CD300LD: variants seen among roughly 807,000 people sequenced by gnomAD.
The protein encoded by CD300LD is CD300 molecule like family member d.
Under a neutral mutation model 20.3 loss-of-function variants are expected in CD300LD, and 18 were observed. That is an observed-to-expected ratio of 0.89 (90% CI 0.61 to 1.32). The LOEUF (loss-of-function observed/expected upper bound fraction) is 1.32, where lower values mean the gene tolerates loss of function less well. CD300LD is among the 40% of genes most tolerant of loss of function. The probability of loss-of-function intolerance (pLI) is 0.00; values close to 1 mark genes in which losing one functional copy is unlikely to be tolerated. For missense variants in CD300LD, 195 were observed against 226.6 expected (o/e 0.86, Z 0.90); for synonymous variants, 104 against 90.1 (o/e 1.15, Z -0.87).
At chr17:74,585,322 T>C (rs990512753) in intron 2 of CD300LD, among the ~76,000 whole-genome samples, 15 of 152,262 alleles carry the variant, frequency 9.9e-5, no homozygotes, top group African/African-American at 3.4e-4. Flanking sequence ...GCCATTATCT[T>C]CTTCTTATTC....
At chr17:74,590,630 G>A (rs1005937828) in intron 1 of CD300LD, 3 of 152,076 alleles carry the variant, frequency 2.0e-5, no homozygotes, top group Admixed American at 6.5e-5. Flanking sequence ...GCTTTCTATG[G>A]CATCTGAAGG....
Position 74,588,804 on chromosome 17 carries a change from C to G in CD300LD, c.86G>C (p.Gly29Ala), listed in dbSNP as rs750286256. 6 of 1,613,828 alleles carry G rather than the reference C, an allele frequency of 3.7e-6. No homozygotes were observed. The East Asian group carries it at 1.1e-4, about 30-fold the overall frequency. Residue 29 changes from glycine to alanine, a missense_variant, in exon 2 of 4, where the codon GGC (glycine) becomes GCC (alanine). Physicochemically the swap from Gly to Ala is moderately conservative, Grantham distance 60. Transcript: ENST00000375352. Reference protein sequence around the residue: ...AKITGPTTVNGSEQGSLTVQC... With the variant: ...AKITGPTTVNASEQGSLTVQC... ...CACAGTCAATGAGCCCTGCTCCGAG[C>G]CATTCACTGTTGTTGGACCAGTGAT...
Position 74,587,642 on chromosome 17 carries a change from C to T in CD300LD, c.379+869G>A, listed in dbSNP as rs146831135. Reference sequence around the variant, plus strand: ...TGAGTTTACTTTGATCTTTTTTTTCCCTAGTATCTTGAGCTAAGGCCATTG... The same window carrying T: ...TGAGTTTACTTTGATCTTTTTTTTCTCTAGTATCTTGAGCTAAGGCCATTG... On this transcript the variant is annotated intron_variant, in intron 2 of 3. Transcript: ENST00000375352. 2.7e-3 allele frequency among the ~76,000 whole-genome samples: 407 copies of T among 151,324 alleles called. 3 individuals are homozygous for T. The highest frequency in any genetic ancestry group is 9.5e-3 in the African/African-American group (392 of 41,246).
chr17:74,587,480 G>A (rs1239307558), intron 2 of CD300LD, among the ~76,000 whole-genome samples: 1 of 152,104 alleles, frequency 6.6e-6, no homozygotes, highest in East Asian at 1.9e-4. Context: ...ATCAGTCTAG[G>A]TAGAGGTTTA....
chr17:74,585,836 C>T (rs2143284127), intron 2 of CD300LD, among the ~76,000 whole-genome samples: 1 of 152,284 alleles, frequency 6.6e-6, no homozygotes, highest in East Asian at 1.9e-4. Flanking sequence ...GCAGACCAGG[C>T]TAGACAGAAT....
In CD300LD at chr17:74,588,566, C is replaced by T. The variant is rs1187058893; in HGVS notation, c.324G>A (p.Gly108=). The T allele has an allele frequency of 6.8e-6, 11 of 1,613,948 alleles. No individual in the cohort carries two copies. The highest frequency in any genetic ancestry group is 2.7e-5 in the African/African-American group (2 of 74,918). Residue 108 remains glycine (G), a synonymous_variant, in exon 2 of 4, where the codon GGG becomes GGA. Coordinates refer to ENST00000375352, the MANE Select transcript of CD300LD (RefSeq NM_001115152.2). ...CAAGATCAATTCCAGGTCTCTCAGT[C>T]CCACACCAATAACTGTCAGCATCAT... ...KRDDADSYWC[G]TERPGIDLGV...
intron 2 of CD300LD, among the ~76,000 whole-genome samples, chr17:74,588,125 A>T (rs11868501): frequency 6.6e-6 from 1 of 152,148 alleles, no homozygotes; most frequent in East Asian, 1.9e-4. Context: ...CTCTCTGCAG[A>T]GTCCCAAGGT....
intron 3 of CD300LD, 107 bp from the exon 4 acceptor site, chr17:74,580,220 G>A (rs1318771324): frequency 6.6e-6 from 5 of 754,558 alleles, no homozygotes; most frequent in Non-Finnish European, 9.1e-6. Context: ...GTGAGGGTAA[G>A]CCTGGAACCC....
intron 1 of CD300LD, 116 bp downstream of exon 1, chr17:74,592,047 A>G (rs771343711): frequency 6.2e-6 from 10 of 1,606,460 alleles, no homozygotes; most frequent in Admixed American, 1.7e-5. Context: ...ATGGGCATGG[A>G]TGGATGAATT....
intron 2 of CD300LD, among the ~76,000 whole-genome samples, chr17:74,587,959 A>T (rs783240): frequency 6.6e-6 from 1 of 152,090 alleles, no homozygotes; most frequent in Non-Finnish European, 1.5e-5. Context: ...TCAGGGTCCT[A>T]TGAGACCTGT....
intron 3 of CD300LD, among the ~76,000 whole-genome samples, chr17:74,580,461 C>T (rs1289352214): frequency 2.0e-5 from 3 of 152,228 alleles, no homozygotes; most frequent in Non-Finnish European, 4.4e-5. Flanking sequence ...CCCAGAGGGC[C>T]TCTCCGCCCT....
chr17:74,590,395 A>G (rs966255169), intron 1 of CD300LD: 6 of 152,152 alleles, frequency 3.9e-5, no homozygotes, highest in Non-Finnish European at 7.4e-5. Context: ...GTTTTCTATA[A>G]GTGGGAATAG....
intron 1 of CD300LD, chr17:74,591,950 A>G: frequency 2.9e-6 from 4 of 1,374,278 alleles, no homozygotes; most frequent in Non-Finnish European, 3.9e-6. Flanking sequence ...AAGAAGCTAT[A>G]CTTGTTTTGT....
At chr17:74,581,981 C>T (rs1448218113) in intron 3 of CD300LD, among the ~76,000 whole-genome samples, 1 of 152,164 alleles carries the variant, frequency 6.6e-6, no homozygotes, top group Non-Finnish European at 1.5e-5. Flanking sequence ...TCAGAGTTAA[C>T]AAATAAAAGC....
intron 2 of CD300LD, among the ~76,000 whole-genome samples, chr17:74,586,538 G>C (rs1362996969): frequency 6.6e-6 from 1 of 152,082 alleles, no homozygotes; most frequent in Admixed American, 6.6e-5. Flanking sequence ...GCCTGGACCC[G>C]GGCCCTATAA....
chr17:74,588,590 A>G lies in CD300LD; in HGVS notation c.300T>C (p.Asp100=), dbSNP rs1419242848. ...FTVTMENLKR[D]DADSYWCGTE... is the part of the protein sequence containing the mutation. ...TCCCACACCAATAACTGTCAGCATC[A>G]TCTCTTTTGAGATTCTCCATGGTCA... Residue 100 remains aspartate, a synonymous_variant, in exon 2 of 4, where the codon GAT becomes GAC. Coordinates refer to ENST00000375352, the MANE Select transcript of CD300LD (RefSeq NM_001115152.2). 17 of 1,614,124 alleles carry G rather than the reference A, an allele frequency of 1.1e-5. No homozygotes were observed. In the South Asian group the frequency reaches 1.8e-4, roughly 17 times the overall value.
chr17:74,580,933 T>A (rs1719462), intron 3 of CD300LD, among the ~76,000 whole-genome samples: 1,578 of 144,964 alleles, frequency 0.011, 33 homozygotes, highest in African/African-American at 0.037. Flanking sequence ...GAAAAGAAAA[T>A]TCAAAATTAT....
intron 2 of CD300LD, among the ~76,000 whole-genome samples, chr17:74,585,586 C>T: frequency 6.6e-6 from 1 of 152,150 alleles, no homozygotes; most frequent in East Asian, 1.9e-4. Flanking sequence ...TTCCATAAGG[C>T]CCGATCCAAA....
At chr17:74,581,643 TTC>T (rs2030038799) in intron 3 of CD300LD, among the ~76,000 whole-genome samples, 1 of 152,232 alleles carries the variant, frequency 6.6e-6, no homozygotes, top group Admixed American at 6.5e-5. Flanking sequence ...ACAATATTTG[TTC>T]TTGGGCAGAA....
Sources: allele counts gnomAD v4.1 joint callset (sites outside exome capture counted in the v4.1 genomes callset), GRCh38; gene constraint gnomAD v4.1.1; transcripts MANE v1.5; gene names NCBI Gene and HGNC (gene_info 2026-07-23, HGNC 2026-07-21).